The following FOXN3 variants were observed in gnomAD, a reference collection of about 807,000 sequenced individuals.
The protein encoded by FOXN3 is forkhead box protein N3.
FOXN3 carries 7 observed loss-of-function variants against 38.4 expected under a neutral mutation model. The observed-to-expected ratio is 0.18, with a 90% CI of 0.10 to 0.34. The LOEUF is 0.34. Ranked by LOEUF, FOXN3 falls within the 10% of genes least tolerant of loss-of-function variation. FOXN3 has a pLI of 1.00. For synonymous variants in FOXN3, 230 were observed against 242.2 expected, an observed-to-expected ratio of 0.95 and a Z score of 0.47; for missense variants, 456 against 613.4, an observed-to-expected ratio of 0.74 and a Z score of 2.71.
intron 1 of FOXN3, among the ~76,000 whole-genome samples, chr14:89,541,523 G>A (rs577955224): frequency 6.6e-6 from 1 of 152,192 alleles, no homozygotes; most frequent in South Asian, 2.1e-4. Flanking sequence ...TACCCTATAT[G>A]GTCTAAAAAG....
At chr14:89,190,260 CT>C in intron 4 of FOXN3, 1 of 690,580 alleles carries the variant, frequency 1.4e-6, no homozygotes, top group East Asian at 2.8e-5. Flanking sequence ...ACTTATGTAG[CT>C]TTTAAAGTGA....
chr14:89,511,224 TTTCTTTTCTTTCC>T (rs1894071818), intron 1 of FOXN3, among the ~76,000 whole-genome samples: 1 of 33,772 alleles, frequency 3.0e-5, no homozygotes, highest in African/African-American at 5.5e-5. Context: ...TCTTTCTTTC[TTTCTTTTCTTTCC>T]TTTTCTTTCT....
intron 1 of FOXN3, among the ~76,000 whole-genome samples, chr14:89,414,836 C>T (rs956479303): frequency 6.6e-6 from 1 of 152,154 alleles, no homozygotes; most frequent in Non-Finnish European, 1.5e-5. Context: ...CAGGCGTGAG[C>T]CACCGCGCCT....
intron 1 of FOXN3, among the ~76,000 whole-genome samples, chr14:89,612,736 T>C (rs1242547711): frequency 1.3e-5 from 2 of 151,760 alleles, no homozygotes; most frequent in Non-Finnish European, 2.9e-5. Context: ...CGAGGCTGCA[T>C]TGAGCCCAAG....
At chr14:89,328,376 C>A (rs1331072154) in intron 3 of FOXN3, among the ~76,000 whole-genome samples, 2 of 151,204 alleles carry the variant, frequency 1.3e-5, no homozygotes, top group African/African-American at 2.4e-5. Context: ...GACATTCCCA[C>A]CAGCAGCCCT....
At chr14:89,280,821 C>T in intron 4 of FOXN3, 129 bp downstream of exon 4, 1 of 693,800 alleles carries the variant, frequency 1.4e-6, no homozygotes, top group Admixed American at 2.7e-5. Flanking sequence ...CCACAACAGT[C>T]ACACTTCTCC....
chr14:89,179,759 A>G (rs1887615141), intron 5 of FOXN3, among the ~76,000 whole-genome samples: 1 of 152,154 alleles, frequency 6.6e-6, no homozygotes, highest in Non-Finnish European at 1.5e-5. Flanking sequence ...AGACCACATT[A>G]AAAAAAGCAT....
upstream of FOXN3, among the ~76,000 whole-genome samples, chr14:89,418,880 G>C (rs1891831426): frequency 1.3e-5 from 2 of 152,148 alleles, no homozygotes; most frequent in South Asian, 2.1e-4. Context: ...TGCTGGCCTA[G>C]AGAGGACGAA....
chr14:89,375,019 T>C (rs1245656254), intron 2 of FOXN3, among the ~76,000 whole-genome samples: 1 of 150,536 alleles, frequency 6.6e-6, no homozygotes, highest in Non-Finnish European at 1.5e-5. Flanking sequence ...ATTGCATTAA[T>C]ACGAAATTCT....
At chr14:89,431,374 C>G (rs1892153325) in intron 1 of FOXN3, among the ~76,000 whole-genome samples, 1 of 152,068 alleles carries the variant, frequency 6.6e-6, no homozygotes, top group African/African-American at 2.4e-5. Context: ...CCACACCCGG[C>G]TAATTTTTGT....
intron 1 of FOXN3, among the ~76,000 whole-genome samples, chr14:89,606,742 C>T (rs1896283737): frequency 6.6e-6 from 1 of 152,122 alleles, no homozygotes. Flanking sequence ...CCCAGCTACT[C>T]AGGAGGCTGA....
chr14:89,615,997 T>C (rs977342298), intron 1 of FOXN3, among the ~76,000 whole-genome samples: 5 of 152,246 alleles, frequency 3.3e-5, no homozygotes, highest in Non-Finnish European at 7.3e-5. Flanking sequence ...GATAAAGCTA[T>C]TCAATGCTTC....
intron 1 of FOXN3, among the ~76,000 whole-genome samples, chr14:89,472,519 G>GACCACCT (rs1893120765): frequency 6.6e-6 from 1 of 152,052 alleles, no homozygotes; most frequent in Non-Finnish European, 1.5e-5. Flanking sequence ...AGGAGATCGA[G>GACCACCT]ACCACCTTGG....
At chr14:89,504,341 T>C (rs535293779) in intron 1 of FOXN3, among the ~76,000 whole-genome samples, 1 of 152,358 alleles carries the variant, frequency 6.6e-6, no homozygotes, top group African/African-American at 2.4e-5. Flanking sequence ...AAACACTGAA[T>C]GTTTTGATTT....
At position 89,362,806 on chromosome 14, in the gene FOXN3, T is replaced by A. The variant is rs867797201; in HGVS notation, c.544-11998A>T. ...CACCACCACCATCTCCACCACCACC[T>A]CCACCACCACCACCACCAGGCCAGA... On this transcript the variant is annotated intron_variant, in intron 2 of 5. Transcript: ENST00000557258. Among the ~76,000 whole-genome samples the A allele has an allele frequency of 7.1e-4, 42 of 59,332 alleles. 1 individual carries two copies. Among genetic ancestry groups the A allele is most frequent in the Middle Eastern group, 0.021 (2 of 94 alleles). The allele number at this position is 59,332 out of a possible 152,430, so 38.9% of individuals were successfully genotyped here. A position where few individuals can be genotyped will look rare whatever the true frequency, so the allele number is the denominator to read the frequency against.
rs112273621 is a variant in FOXN3 at position 89,581,933 on chromosome 14, C to T, written c.-15+37095G>A. 3.3e-3 allele frequency among the ~76,000 whole-genome samples: 496 copies of T among 151,288 alleles called. 5 individuals carry two copies. The highest frequency in any genetic ancestry group is 0.032 in the South Asian group (155 of 4,828). On this transcript the variant is annotated intron_variant, in intron 1 of 6. Coordinates refer to the FOXN3 transcript ENST00000345097. ...GACTTCTAGGTATCTGGAAACCCAA[C>T]ATTTAGCCCCAGGACAAAAAGTTGT...
At chr14:89,460,801 C>T (rs1214648474) in intron 1 of FOXN3, among the ~76,000 whole-genome samples, 7 of 151,880 alleles carry the variant, frequency 4.6e-5, no homozygotes, top group South Asian at 4.2e-4. Context: ...GAGGCCGAGG[C>T]GGGCAGATCA....
rs181561100 is a variant in FOXN3 at position 89,599,190 on chromosome 14, C to G, written c.-15+19838G>C. Reference sequence around the variant, plus strand: ...CTCAATTGCATCTACTCTATTGAACCAATTCATTTGGTTTTTTTAAAGCTT... The same window carrying G: ...CTCAATTGCATCTACTCTATTGAACGAATTCATTTGGTTTTTTTAAAGCTT... On this transcript the variant is annotated intron_variant, in intron 1 of 6. Coordinates refer to the FOXN3 transcript ENST00000345097. Among the ~76,000 whole-genome samples, 6 of 152,204 alleles carry G rather than the reference C, an allele frequency of 3.9e-5. No individual in the cohort carries two copies. The East Asian group carries it at 1.2e-3, about 29-fold the overall frequency.
intron 4 of FOXN3, among the ~76,000 whole-genome samples, chr14:89,254,640 A>G (rs1885562308): frequency 6.6e-6 from 1 of 152,156 alleles, no homozygotes; most frequent in African/African-American, 2.4e-5. Flanking sequence ...ACTCTGTCCA[A>G]CAATAAAAAA....
Sources: gnomAD v4.1 joint callset for allele counts (sites outside exome capture counted in the v4.1 genomes callset) on GRCh38, gnomAD v4.1.1 for gene constraint, MANE v1.5 for transcripts, NCBI Gene and HGNC (gene_info 2026-07-23, HGNC 2026-07-21) for gene names.